DNAH8: variants seen among roughly 807,000 people sequenced by gnomAD.
DNAH8 encodes the protein dynein axonemal heavy chain 8, also known as axonemal beta dynein heavy chain 8.
In DNAH8, 382 loss-of-function variants were observed where a neutral mutation model predicts 562.1. The ratio of observed to expected loss-of-function variants is 0.68; its 90% CI spans 0.63 to 0.74. DNAH8 has a LOEUF of 0.74. Among genes scored for constraint, DNAH8 ranks in the 30% least tolerant of loss-of-function variants. The pLI is 0.00. For synonymous variants in DNAH8, 1,881 were observed against 1,919.4 expected (o/e 0.98, Z 0.52); for missense variants, 5,203 against 5,620.4 (o/e 0.93, Z 2.37).
At chr6:38,769,443 G>A (rs1180093368) in intron 11 of DNAH8, among the ~76,000 whole-genome samples, 1 of 152,152 alleles carries the variant, frequency 6.6e-6, no homozygotes, top group East Asian at 1.9e-4. Context: ...AATGATAATT[G>A]TTTTGGAGAT....
rs905074829 is a variant in DNAH8, at chr6:38,825,295, G to A, written c.3848-861G>A. ...AGTTTAATGGTTGGAAGGCAAGAGCGGTGCAGCCATGTTTCAAGCTTGGCA... is the reference window on the plus strand; with the variant it reads ...AGTTTAATGGTTGGAAGGCAAGAGCAGTGCAGCCATGTTTCAAGCTTGGCA... On this transcript the variant is annotated intron_variant, in intron 28 of 92. Transcript: ENST00000327475. Among the ~76,000 whole-genome samples, 7 of 152,282 alleles carry A rather than the reference G, an allele frequency of 4.6e-5. 1 individual carries two copies. Among genetic ancestry groups the A allele is most frequent in the Admixed American group, 6.5e-5 (1 of 15,296 alleles).
At chr6:38,980,080 C>T (rs1006218472) in intron 85 of DNAH8, among the ~76,000 whole-genome samples, 19 of 152,122 alleles carry the variant, frequency 1.2e-4, no homozygotes, top group Non-Finnish European at 2.1e-4. Flanking sequence ...AGAGGCTCAC[C>T]TCAATGTTTC....
intron 9 of DNAH8, among the ~76,000 whole-genome samples, chr6:38,752,548 T>C (rs1016706047): frequency 2.6e-5 from 4 of 152,248 alleles, no homozygotes; most frequent in Admixed American, 2.0e-4. Context: ...ATCTTCCATA[T>C]AGGTGGCAGC....
intron 91 of DNAH8, among the ~76,000 whole-genome samples, chr6:39,019,191 C>T (rs925853181): frequency 6.6e-6 from 1 of 151,970 alleles, no homozygotes; most frequent in African/African-American, 2.4e-5. Flanking sequence ...GTAAAAGAGG[C>T]AGGAGGAGGT....
intron 28 of DNAH8, among the ~76,000 whole-genome samples, chr6:38,824,169 A>T (rs992201052): frequency 3.9e-5 from 6 of 152,282 alleles, no homozygotes; most frequent in African/African-American, 1.4e-4. Flanking sequence ...AAATAGAAAG[A>T]TGACTTTATT....
Position 38,974,516 on chromosome 6 carries a change from A to C in DNAH8, c.12821A>C (p.His4274Pro), listed in dbSNP as rs1379257645. The change falls in exon 85 of 93, where the codon CAC (histidine) becomes CCC (proline). Residue 4274 changes from histidine to proline, a missense_variant. His to Pro is a moderately conservative substitution (Grantham distance 77). This residue lies in a region of DNAH8 where 1,399 missense variants were observed against 1,518.4 expected (regional missense o/e 0.92). Transcript: ENST00000327475. Reference protein sequence around the residue: ...KPMLYTVAFLHSTVQERRKFG... With the variant: ...KPMLYTVAFLPSTVQERRKFG... ...ATGCTTTACACAGTAGCATTTTTAC[A>C]CTCCACTGTGCAGGTAACTGCAGAA... The C allele has an allele frequency of 1.9e-6, 3 of 1,613,532 alleles. No homozygotes were observed. The highest frequency in any genetic ancestry group is 2.5e-6 in the Non-Finnish European group (3 of 1,179,794).
rs375158290 is a variant in DNAH8 at position 38,938,139 on chromosome 6, T to A, written c.11729T>A (p.Phe3910Tyr). 54 of 1,613,968 alleles carry A rather than the reference T, an allele frequency of 3.3e-5. No individual in the cohort carries two copies. Among genetic ancestry groups the A allele is most frequent in the Non-Finnish European group, 3.6e-5 (42 of 1,180,006 alleles). The change falls in exon 78 of 93, where the codon TTC (phenylalanine) becomes TAC (tyrosine). Residue 3910 changes from phenylalanine (F) to tyrosine (Y), a missense_variant. Transcript: ENST00000327475. ...GCCACCCGCGGAAGCATCCTCTACT[T>A]CCTCATCACAGAGATGAGCATGGTC... ...PAATRGSILY[F>Y]LITEMSMVNI...
At chr6:38,923,799 A>T (rs1329841441) in intron 72 of DNAH8, among the ~76,000 whole-genome samples, 192 bp from the exon 73 acceptor site, 1 of 151,958 alleles carries the variant, frequency 6.6e-6, no homozygotes, top group African/African-American at 2.4e-5. Flanking sequence ...TGACCACCCC[A>T]CATGTGGCCA....
At chr6:38,792,530 A>G (rs901851042) in intron 21 of DNAH8, among the ~76,000 whole-genome samples, 1 of 152,154 alleles carries the variant, frequency 6.6e-6, no homozygotes, top group Admixed American at 6.5e-5. Flanking sequence ...ACCCTGACAC[A>G]TCCATCCACA....
chr6:38,955,233 TA>T (rs1012682831), intron 82 of DNAH8, among the ~76,000 whole-genome samples: 2 of 152,100 alleles, frequency 1.3e-5, no homozygotes, highest in African/African-American at 4.8e-5. Flanking sequence ...CTTGGCCTCC[TA>T]AAGTGTTGGG....
chr6:38,876,459 G>T (rs1561802326), intron 53 of DNAH8, among the ~76,000 whole-genome samples: 1 of 152,192 alleles, frequency 6.6e-6, no homozygotes, highest in Non-Finnish European at 1.5e-5. Context: ...ATAGTCTTTT[G>T]TTTGTTTGTT....
intron 41 of DNAH8, among the ~76,000 whole-genome samples, chr6:38,854,899 AT>A (rs1776063207): frequency 6.7e-6 from 1 of 149,134 alleles, no homozygotes; most frequent in African/African-American, 2.4e-5. Context: ...ACATATATAC[AT>A]AAATACAAAG....
chr6:38,852,865 GT>G, intron 40 of DNAH8, 67 bp downstream of exon 40: 1 of 1,245,680 alleles, frequency 8.0e-7, no homozygotes, highest in East Asian at 2.4e-5. Context: ...GGAGAATACA[GT>G]TCTCTTACAG....
Position 38,862,456 on chromosome 6 carries a change from A to G in DNAH8, c.6308A>G (p.Lys2103Arg). 6.2e-7 allele frequency: 1 copy of G among 1,605,550 alleles called. No homozygotes were observed. Among genetic ancestry groups the G allele is most frequent in the African/African-American group, 1.3e-5 (1 of 74,720 alleles). The change falls in exon 44 of 93, where the codon AAA becomes AGA. Residue 2103 changes from lysine to arginine, a missense_variant and splice_region_variant. Transcript: ENST00000327475. ...MDFRGLGRIF[K>R]GLAQSGSWGC... ...TTCAGAGGCCTAGGAAGGATTTTCA[A>G]AGGCAAGTGTCAAATAATGTAGATT...
chr6:38,864,816 T>C (rs1481483736), intron 45 of DNAH8, among the ~76,000 whole-genome samples: 4 of 152,212 alleles, frequency 2.6e-5, no homozygotes, highest in African/African-American at 9.6e-5. Flanking sequence ...ATTATATAGC[T>C]GACTTACCTG....
chr6:38,956,639 C>G (rs1762263026), intron 82 of DNAH8, among the ~76,000 whole-genome samples: 1 of 152,170 alleles, frequency 6.6e-6, no homozygotes, highest in Non-Finnish European at 1.5e-5. Context: ...TGTCCCTGAC[C>G]AACTGTCTCA....
intron 23 of DNAH8, among the ~76,000 whole-genome samples, chr6:38,807,201 C>T (rs1325551806): frequency 6.6e-6 from 1 of 152,160 alleles, no homozygotes; most frequent in Non-Finnish European, 1.5e-5. Flanking sequence ...TACATTTATC[C>T]ACCAAGCTGA....
intron 48 of DNAH8, among the ~76,000 whole-genome samples, chr6:38,870,026 C>T (rs1334476520): frequency 2.0e-5 from 3 of 152,202 alleles, no homozygotes; most frequent in African/African-American, 4.8e-5. Context: ...AAAGTCACGT[C>T]TTTACATGGC....
intron 9 of DNAH8, among the ~76,000 whole-genome samples, chr6:38,754,257 A>G (rs1765721501): frequency 1.3e-5 from 2 of 152,152 alleles, no homozygotes; most frequent in African/African-American, 4.8e-5. Context: ...CGTTTTCCTG[A>G]AGGACCCATT....
Sources: allele counts gnomAD v4.1 joint callset (sites outside exome capture counted in the v4.1 genomes callset), GRCh38; gene constraint gnomAD v4.1.1; regional missense constraint gnomAD v4.1.1; transcripts MANE v1.5; gene names NCBI Gene and HGNC (gene_info 2026-07-23, HGNC 2026-07-21).